CLEC4A: variants seen among roughly 807,000 people sequenced by gnomAD.
The protein encoded by CLEC4A is C-type lectin domain family 4 member A.
In CLEC4A, 27 loss-of-function variants were observed where a neutral mutation model predicts 32.7. The ratio of observed to expected loss-of-function variants is 0.83; its 90% CI spans 0.61 to 1.14. The LOEUF is 1.14. Among genes scored for constraint, CLEC4A ranks in the 50% most tolerant of loss-of-function variants. CLEC4A has a pLI of 0.00. For synonymous variants in CLEC4A, 89 were observed against 93.7 expected, an observed-to-expected ratio of 0.95 and a Z score of 0.29; for missense variants, 253 against 274.6, an observed-to-expected ratio of 0.92 and a Z score of 0.55.
At chr12:8,134,121 G>A (rs1948048916) in intron 3 of CLEC4A, 7 of 1,599,804 alleles carry the variant, frequency 4.4e-6, no homozygotes, top group Non-Finnish European at 6.0e-6. Context: ...AAATTCTCCA[G>A]GTTGCCTCTC....
At chr12:8,123,566 T>A, upstream of CLEC4A, 1 of 223,452 alleles carries the variant, frequency 4.5e-6, no homozygotes, top group Non-Finnish European at 8.8e-6. Flanking sequence ...TCTTTTATTT[T>A]TCTTCCTCTT....
chr12:8,128,677 G>A (rs759741928), intron 2 of CLEC4A, among the ~76,000 whole-genome samples: 2 of 152,270 alleles, frequency 1.3e-5, no homozygotes, highest in South Asian at 2.1e-4. Context: ...GATTACAGGC[G>A]TGAGCCAATG....
chr12:8,105,840 C>T, the CLEC4A span, among the ~76,000 whole-genome samples: 1 of 152,120 alleles, frequency 6.6e-6, no homozygotes, highest in Non-Finnish European at 1.5e-5. Context: ...TGTTGGTTGT[C>T]TGTTTACTCT....
At chr12:8,135,013 A>T (rs1591612019) in intron 3 of CLEC4A, among the ~76,000 whole-genome samples, 1 of 21,364 alleles carries the variant, frequency 4.7e-5, no homozygotes, top group Non-Finnish European at 1.0e-4. Context: ...GCTGCTTTTA[A>T]ATCTTTGTCA....
chr12:8,135,019 TGTCAGATAATTCTAACAA>T lies in CLEC4A; in HGVS notation c.299-565_299-548del, dbSNP rs1565406450. Among the ~76,000 whole-genome samples the T allele has an allele frequency of 1.7e-3, 179 of 105,226 alleles. 8 individuals carry two copies. The highest frequency in any genetic ancestry group is 2.3e-3 in the Non-Finnish European group (118 of 51,940). 69.0% of individuals were successfully genotyped at this position (105,226 alleles called of 152,430 possible). The stretch of plus-strand genomic sequence containing the variant: ...TTAATCATGGCTGCTTTTAAATCTT[TGTCAGATAATTCTAACAA>T]TTTTATTATCTTTTTTTTTTTTTTT... On this transcript the variant is annotated intron_variant, in intron 3 of 5. Coordinates refer to ENST00000229332, the MANE Select transcript of CLEC4A (RefSeq NM_016184.4).
chr12:8,112,122 C>T, the CLEC4A span, among the ~76,000 whole-genome samples: 2 of 152,098 alleles, frequency 1.3e-5, no homozygotes, highest in East Asian at 3.8e-4. Context: ...GCATGCACCA[C>T]CATGCCCGTC....
rs187569036 is a variant in CLEC4A at position 8,132,967 on chromosome 12, T to G, written c.299-2618T>G. On this transcript the variant is annotated intron_variant, in intron 3 of 5. Transcript: ENST00000229332. The stretch of plus-strand genomic sequence containing the variant: ...TCTCGCTCTGTTGCCCAGGCTGGAG[T>G]GCAGTGGTGCGATCTCAGCTCACTG... Among the ~76,000 whole-genome samples the G allele has an allele frequency of 5.0e-3, 756 of 152,288 alleles. 6 individuals carry two copies. The highest frequency in any genetic ancestry group is 0.018 in the African/African-American group (740 of 41,542).
chr12:8,105,184 T>C, the CLEC4A span, among the ~76,000 whole-genome samples: 1 of 152,186 alleles, frequency 6.6e-6, no homozygotes, highest in Non-Finnish European at 1.5e-5. Context: ...AACTAATTTA[T>C]GTTCCCACCA....
chr12:8,135,117 A>C (rs1228267334), intron 3 of CLEC4A, among the ~76,000 whole-genome samples: 14 of 108,282 alleles, frequency 1.3e-4, no homozygotes, highest in Non-Finnish European at 6.8e-5. Context: ...AACTTCTGGG[A>C]TCAAGCGATT....
chr12:8,105,154 G>A, the CLEC4A span, among the ~76,000 whole-genome samples: 5 of 152,052 alleles, frequency 3.3e-5, no homozygotes, highest in East Asian at 3.9e-4. Flanking sequence ...AAATCACCAC[G>A]CTACTTTCTA....
intron 1 of CLEC4A, 99 bp from the exon 2 acceptor site, chr12:8,125,462 T>C: frequency 1.4e-6 from 1 of 714,640 alleles, no homozygotes; most frequent in Non-Finnish European, 2.5e-6. Flanking sequence ...CGTTAGTAAC[T>C]GTGTGTCATC....
the CLEC4A span, among the ~76,000 whole-genome samples, chr12:8,106,476 G>C: frequency 6.6e-6 from 1 of 152,044 alleles, no homozygotes; most frequent in Non-Finnish European, 1.5e-5. Context: ...AAATTGCTTT[G>C]GGCAGTATGG....
At chr12:8,134,136 G>A (rs968966154) in intron 3 of CLEC4A, 3 of 1,603,852 alleles carry the variant, frequency 1.9e-6, no homozygotes, top group Non-Finnish European at 2.6e-6. Flanking sequence ...CCTCTCACTT[G>A]GTTCTCGATA....
the CLEC4A span, among the ~76,000 whole-genome samples, chr12:8,111,178 CTTT>C: frequency 1.2e-4 from 12 of 100,294 alleles, no homozygotes; most frequent in Non-Finnish European, 1.2e-4. Context: ...GGCCCAACAT[CTTT>C]TTTTTTTTTT....
At chr12:8,129,455 C>A (rs535080922) in intron 3 of CLEC4A, 93 bp downstream of exon 3, 2 of 852,560 alleles carry the variant, frequency 2.3e-6, no homozygotes, top group South Asian at 3.0e-5. Flanking sequence ...GTAGATCATA[C>A]TGAAAAGTTG....
the CLEC4A span, among the ~76,000 whole-genome samples, chr12:8,118,385 T>C: frequency 5.7e-5 from 4 of 70,140 alleles, no homozygotes; most frequent in African/African-American, 1.3e-4. Context: ...AGTCTATTCT[T>C]GCACTGCTAT....
Position 8,132,923 on chromosome 12 carries a change from TTTTG to T in CLEC4A, c.299-2658_299-2655del, listed in dbSNP as rs1277699300. Among the ~76,000 whole-genome samples, 6 of 152,252 alleles carry T rather than the reference TTTTG, an allele frequency of 3.9e-5. No individual in the cohort carries two copies. In the East Asian group the frequency reaches 1.2e-3, roughly 29 times the overall value. On this transcript the variant is annotated intron_variant, in intron 3 of 5. Coordinates refer to ENST00000229332, the MANE Select transcript of CLEC4A (RefSeq NM_016184.4). ...TTGTTTGTTTTTGTTTTTTTTTTGT[TTTTG>T]TTTTTCAGACGAAGTCTCGCTCTGT...
At chr12:8,104,880 C>A in the CLEC4A span, among the ~76,000 whole-genome samples, 1 of 152,168 alleles carries the variant, frequency 6.6e-6, no homozygotes, top group Non-Finnish European at 1.5e-5. Context: ...CCAGCTCTAT[C>A]TATGTTGCTG....
chr12:8,119,527 G>A (rs765556662), upstream of CLEC4A, among the ~76,000 whole-genome samples: 134 of 152,104 alleles, frequency 8.8e-4, 2 homozygotes, highest in Admixed American at 7.2e-3. Context: ...CCTAGCCTGT[G>A]TCTTTTTATT....
Sources: allele counts gnomAD v4.1 joint callset (sites outside exome capture counted in the v4.1 genomes callset), GRCh38; gene constraint gnomAD v4.1.1; transcripts MANE v1.5; gene names NCBI Gene and HGNC (gene_info 2026-07-23, HGNC 2026-07-21).